Variants in HDDC2 observed in about 807,000 individuals in gnomAD.
HDDC2 encodes the protein HD domain containing 2.
HDDC2 carries 25 observed loss-of-function variants against 25.5 expected under a neutral mutation model. That is an observed-to-expected ratio of 0.98 (90% CI 0.72 to 1.37). HDDC2 has a LOEUF of 1.37. HDDC2 is among the 40% of genes most tolerant of loss of function. The pLI, the probability that HDDC2 is intolerant of heterozygous loss-of-function variation, is 0.00. For missense variants in HDDC2, 264 were observed against 253.1 expected, an observed-to-expected ratio of 1.04 and a Z score of -0.29; for synonymous variants, 106 against 89.7, an observed-to-expected ratio of 1.18 and a Z score of -1.03.
At chr6:125,296,164 T>C (rs1446749693) in intron 3 of HDDC2, among the ~76,000 whole-genome samples, 1 of 152,100 alleles carries the variant, frequency 6.6e-6, no homozygotes, top group Non-Finnish European at 1.5e-5. Flanking sequence ...TACAGTGTTA[T>C]CAACTATTTA....
At chr6:125,289,761 A>T (rs1413287463) in intron 4 of HDDC2, among the ~76,000 whole-genome samples, 1 of 152,182 alleles carries the variant, frequency 6.6e-6, no homozygotes, top group Non-Finnish European at 1.5e-5. Context: ...CAATTGACTG[A>T]ACTTCTGACA....
At chr6:125,288,493 G>T (rs999576470) in intron 4 of HDDC2, among the ~76,000 whole-genome samples, 22 of 152,190 alleles carry the variant, frequency 1.4e-4, no homozygotes, top group African/African-American at 5.1e-4. Flanking sequence ...AAGCAGGATG[G>T]AGATTCAAAT....
chr6:125,275,581 G>A lies in HDDC2; in HGVS notation c.*565C>T, dbSNP rs2115097567. 1 of 152,412 alleles carries A rather than the reference G, an allele frequency of 6.6e-6. No homozygotes were observed. Among genetic ancestry groups the A allele is most frequent in the East Asian group, 1.9e-4 (1 of 5,190 alleles). 9.4% of individuals were successfully genotyped at this position (152,412 alleles called of 1,614,324 possible). A position where few individuals can be genotyped will look rare whatever the true frequency, so the allele number is the denominator to read the frequency against. On this transcript the variant is annotated 3_prime_UTR_variant, in exon 6 of 6. Transcript: ENST00000398153. The stretch of plus-strand genomic sequence containing the variant: ...TCTAAATGACAAAAAGTATTGGGAA[G>A]AGGGGCAGAGCCTATTAGTAGGTTT...
At chr6:125,297,157 C>T (rs1210670930) in intron 3 of HDDC2, among the ~76,000 whole-genome samples, 1 of 152,112 alleles carries the variant, frequency 6.6e-6, no homozygotes, top group Non-Finnish European at 1.5e-5. Flanking sequence ...TTTTCCCTTC[C>T]TTTCCCTCTG....
In HDDC2 at chr6:125,298,961, A is replaced by T. The variant is rs183705457; in HGVS notation, c.207-145T>A. On this transcript the variant is annotated intron_variant, in intron 2 of 5. Transcript: ENST00000398153. Reference sequence around the variant, plus strand: ...TAATGTAGTATTTTCTAAAGTAGTTATATTCTGCCAGCCTACAACAGTTCT... The same window carrying T: ...TAATGTAGTATTTTCTAAAGTAGTTTTATTCTGCCAGCCTACAACAGTTCT... 65 of 566,776 alleles carry T rather than the reference A, an allele frequency of 1.1e-4. No individual in the cohort carries two copies. The Admixed American group carries it at 1.9e-3, about 17-fold the overall frequency. 35.1% of individuals were successfully genotyped at this position (566,776 alleles called of 1,614,324 possible).
In HDDC2 at chr6:125,293,915, G is replaced by A. The variant is rs111980120; in HGVS notation, c.310-1006C>T. ...CGTTGAGAGTTAGCCAAAACCTAATGAAAAGCAGAGACAAAATAAGAGTAG... is the reference window on the plus strand; with the variant it reads ...CGTTGAGAGTTAGCCAAAACCTAATAAAAAGCAGAGACAAAATAAGAGTAG... On this transcript the variant is annotated intron_variant, in intron 3 of 5. Coordinates refer to ENST00000398153, the MANE Select transcript of HDDC2 (RefSeq NM_016063.3). Among the ~76,000 whole-genome samples the A allele has an allele frequency of 1.8e-3, 270 of 152,310 alleles. 2 individuals carry two copies. The highest frequency in any genetic ancestry group is 6.0e-3 in the African/African-American group (250 of 41,568).
rs182463951 is a variant in HDDC2, at chr6:125,286,954, G to A, written c.378+5887C>T. Among the ~76,000 whole-genome samples, 429 of 152,328 alleles carry A rather than the reference G, an allele frequency of 2.8e-3. 2 individuals are homozygous for A. Among genetic ancestry groups the A allele is most frequent in the African/African-American group, 9.9e-3 (411 of 41,566 alleles). ...GAAGAAAAACTAGTCATTATGTGGTGCATGACAAAAGAACCCAATATGCCC... is the reference window on the plus strand; with the variant it reads ...GAAGAAAAACTAGTCATTATGTGGTACATGACAAAAGAACCCAATATGCCC... On this transcript the variant is annotated intron_variant, in intron 4 of 5. Transcript: ENST00000398153.
rs1404616931 is a variant in HDDC2, at chr6:125,300,575, C to T, written c.169G>A (p.Ala57Thr). The T allele has an allele frequency of 1.2e-6, 2 of 1,614,192 alleles. No homozygotes were observed. The highest frequency in any genetic ancestry group is 2.2e-5 in the East Asian group (1 of 44,890). ...AGACGGTCATCTTTGATCACCATAG[C>T]CATAACTGCCATCCGGTACATGTGA... Reference protein sequence around the residue: ...SDHMYRMAVMAMVIKDDRLNK... With the variant: ...SDHMYRMAVMTMVIKDDRLNK... The change falls in exon 2 of 6, where the codon GCT (alanine) becomes ACT (threonine). Residue 57 changes from alanine (A) to threonine (T), a missense_variant. Ala to Thr is a moderately conservative substitution (Grantham distance 58). Transcript: ENST00000398153.
chr6:125,281,816 T>C (rs9482636), intron 4 of HDDC2, among the ~76,000 whole-genome samples: 10 of 152,044 alleles, frequency 6.6e-5, no homozygotes, highest in East Asian at 1.9e-4. Flanking sequence ...CCTAGCAAGA[T>C]AGGCCAGCAT....
Position 125,276,123 on chromosome 6 carries a change from A to C in HDDC2, c.*23T>G. ...ATGGAAAAATAATGTTTGTTACAGG[A>C]GTGCAGCAATTTAGAGAGTGTCTCA... On this transcript the variant is annotated 3_prime_UTR_variant, in exon 6 of 6. Coordinates refer to ENST00000398153, the MANE Select transcript of HDDC2 (RefSeq NM_016063.3). The C allele has an allele frequency of 1.4e-6, 2 of 1,478,210 alleles. No individual in the cohort carries two copies. Among genetic ancestry groups the C allele is most frequent in the Non-Finnish European group, 1.9e-6 (2 of 1,055,852 alleles). The allele number at this position is 1,478,210 out of a possible 1,614,324, so 91.6% of individuals were successfully genotyped here.
At chr6:125,300,998 T>C (rs1798792426) in intron 1 of HDDC2, among the ~76,000 whole-genome samples, 1 of 152,110 alleles carries the variant, frequency 6.6e-6, no homozygotes, top group African/African-American at 2.4e-5. Flanking sequence ...CTTTTTGCCT[T>C]CAAATAATCC....
intron 3 of HDDC2, among the ~76,000 whole-genome samples, chr6:125,294,426 T>C (rs988308548): frequency 6.6e-6 from 1 of 152,200 alleles, no homozygotes; most frequent in African/African-American, 2.4e-5. Flanking sequence ...ACACTACCCT[T>C]AGTAGGAAGG....
chr6:125,300,670 TGAA>T lies in HDDC2; in HGVS notation c.85-14_85-12del. 6.2e-7 allele frequency: 1 copy of T among 1,608,708 alleles called. No individual in the cohort carries two copies. The highest frequency in any genetic ancestry group is 2.2e-5 in the East Asian group (1 of 44,840). On this transcript the variant is annotated splice_polypyrimidine_tract_variant and intron_variant, in intron 1 of 5. Coordinates refer to ENST00000398153, the MANE Select transcript of HDDC2 (RefSeq NM_016063.3). The stretch of plus-strand genomic sequence containing the variant: ...AGTTCGTGGGACTCTCTGATAAATA[TGAA>T]GAAGAAAAAGAAGTTTTAAAGAACA...
intron 4 of HDDC2, among the ~76,000 whole-genome samples, chr6:125,281,514 ATGACC>A (rs1351250595): frequency 6.6e-6 from 1 of 152,170 alleles, no homozygotes; most frequent in African/African-American, 2.4e-5. Flanking sequence ...AAGAGCAAAA[ATGACC>A]TGATGGAGTT....
At chr6:125,277,430 T>C (rs904335942) in intron 4 of HDDC2, 190 bp from the exon 5 acceptor site, 5 of 535,246 alleles carry the variant, frequency 9.3e-6, no homozygotes, top group Middle Eastern at 4.5e-4. Flanking sequence ...CAGGACTCTA[T>C]ACAAGAAAGA....
At chr6:125,298,852 A>T (rs1562450619) in intron 2 of HDDC2, 36 bp from the exon 3 acceptor site, 3 of 1,427,978 alleles carry the variant, frequency 2.1e-6, no homozygotes, top group Non-Finnish European at 3.0e-6. Context: ...ATTACACAGA[A>T]TTATATTTAC....
At chr6:125,286,119 G>A (rs961310188) in intron 4 of HDDC2, among the ~76,000 whole-genome samples, 1 of 152,186 alleles carries the variant, frequency 6.6e-6, no homozygotes, top group Non-Finnish European at 1.5e-5. Context: ...TAACATGCAA[G>A]AAGAAGGAAT....
At chr6:125,290,645 A>G (rs1798617303) in intron 4 of HDDC2, among the ~76,000 whole-genome samples, 1 of 152,306 alleles carries the variant, frequency 6.6e-6, no homozygotes, top group Non-Finnish European at 1.5e-5. Context: ...CGTAGGGCCA[A>G]TACCATGTGA....
In HDDC2 at chr6:125,298,705, A is replaced by G. The variant is rs1798745932; in HGVS notation, c.309+9T>C. The G allele has an allele frequency of 6.2e-7, 1 of 1,608,770 alleles. No individual in the cohort carries two copies. Among genetic ancestry groups the G allele is most frequent in the African/African-American group, 1.3e-5 (1 of 74,820 alleles). ...GTGGTTTTTTGCACAGTCAATAGTC[A>G]ACACTGACCTCTTCTCGCCTATGTT... On this transcript the variant is annotated intron_variant, in intron 3 of 5. Coordinates refer to ENST00000398153, the MANE Select transcript of HDDC2 (RefSeq NM_016063.3).
Sources: allele counts gnomAD v4.1 joint callset (sites outside exome capture counted in the v4.1 genomes callset), GRCh38; gene constraint gnomAD v4.1.1; transcripts MANE v1.5; gene names NCBI Gene and HGNC (gene_info 2026-07-23, HGNC 2026-07-21).